IL33: variants seen among roughly 807,000 people sequenced by gnomAD.
IL33 encodes the protein interleukin-33.
IL33 carries 37 observed loss-of-function variants against 27.3 expected under a neutral mutation model. The observed-to-expected ratio is 1.36, with a 90% CI of 1.04 to 1.78. The LOEUF is 1.78. Among genes scored for constraint, IL33 ranks in the 40% most tolerant of loss-of-function variants. The pLI is 0.00. For missense variants in IL33, 406 were observed against 311.4 expected, an observed-to-expected ratio of 1.30 and a Z score of -2.29; for synonymous variants, 132 against 102.9, an observed-to-expected ratio of 1.28 and a Z score of -1.71.
At chr9:6,252,060 A>AAAC (rs1436752333) in intron 4 of IL33, among the ~76,000 whole-genome samples, 4 of 121,884 alleles carry the variant, frequency 3.3e-5, no homozygotes, top group African/African-American at 1.4e-4. Flanking sequence ...AACAAACAAA[A>AAAC]AAAAACCCAA....
chr9:6,248,135 T>C (rs1331358097), intron 2 of IL33, among the ~76,000 whole-genome samples: 1 of 152,128 alleles, frequency 6.6e-6, no homozygotes, highest in African/African-American at 2.4e-5. Context: ...GAAAAGACAA[T>C]GTGATATAGT....
At chr9:6,220,891 C>T (rs978090577) in intron 1 of IL33, among the ~76,000 whole-genome samples, 1 of 152,048 alleles carries the variant, frequency 6.6e-6, no homozygotes, top group Non-Finnish European at 1.5e-5. Context: ...GTAGCTGAGA[C>T]CACAGCCATG....
chr9:6,238,172 C>G (rs997108359), intron 1 of IL33, among the ~76,000 whole-genome samples: 2 of 152,094 alleles, frequency 1.3e-5, no homozygotes, highest in African/African-American at 4.8e-5. Flanking sequence ...AGATGGAAGT[C>G]AGGAGGCTAG....
In IL33 at chr9:6,256,345, A is replaced by G. The variant is rs1271304212; in HGVS notation, c.*177A>G. On this transcript the variant is annotated 3_prime_UTR_variant, in exon 8 of 8. Transcript: ENST00000682010. ...TTTCTAATCCTCCAGTTATTCTTTTATTTCCCTCTGTATAACTGCATCTTC... is the reference window on the plus strand; with the variant it reads ...TTTCTAATCCTCCAGTTATTCTTTTGTTTCCCTCTGTATAACTGCATCTTC... The G allele has an allele frequency of 3.1e-5, 18 of 588,038 alleles. No individual in the cohort carries two copies. The highest frequency in any genetic ancestry group is 4.2e-5 in the Non-Finnish European group (14 of 334,860). 36.4% of individuals were successfully genotyped at this position (588,038 alleles called of 1,614,324 possible). A position where few individuals can be genotyped will look rare whatever the true frequency, so the allele number is the denominator to read the frequency against.
chr9:6,250,511 C>G lies in IL33; in HGVS notation c.129C>G (p.Tyr43Ter). The change falls in exon 3 of 8, where the codon TAC (tyrosine) becomes TAG (stop). Residue 43 changes from tyrosine to a stop codon, truncating the protein, a stop_gained. Transcript: ENST00000682010. LOFTEE classifies it high-confidence loss of function. ...QQKAKEVCPM[Y>*]FMKLRSGLMI... is the part of the protein sequence containing the mutation. ...AGGCCAAAGAAGTTTGCCCCATGTA[C>G]TTTATGAAGCTCCGCTCTGGCCTTA... 1 of 1,613,946 alleles carries G rather than the reference C, an allele frequency of 6.2e-7. No homozygotes were observed. Among genetic ancestry groups the G allele is most frequent in the East Asian group, 2.2e-5 (1 of 44,870 alleles).
chr9:6,217,144 G>A (rs1265258208), intron 1 of IL33, among the ~76,000 whole-genome samples: 2 of 152,082 alleles, frequency 1.3e-5, no homozygotes, highest in African/African-American at 4.8e-5. Context: ...CTGGGTGGGA[G>A]CCACAGAGTA....
chr9:6,255,920 C>T, intron 7 of IL33, 48 bp from the exon 8 acceptor site: 1 of 1,501,348 alleles, frequency 6.7e-7, no homozygotes, highest in Non-Finnish European at 9.3e-7. Flanking sequence ...AAAGTTGACT[C>T]TGAACTTCCC....
chr9:6,243,687 T>C (rs1173887462), intron 2 of IL33, among the ~76,000 whole-genome samples: 1 of 152,156 alleles, frequency 6.6e-6, no homozygotes, highest in African/African-American at 2.4e-5. Flanking sequence ...CTGTTTTTCA[T>C]ATGGGAGTAG....
intron 1 of IL33, among the ~76,000 whole-genome samples, chr9:6,232,504 A>C (rs1282091225): frequency 2.0e-5 from 3 of 152,144 alleles, no homozygotes; most frequent in African/African-American, 4.8e-5. Flanking sequence ...CCCCACCCAC[A>C]CACAAGCATA....
At chr9:6,236,606 G>A (rs937259531) in intron 1 of IL33, among the ~76,000 whole-genome samples, 5 of 152,196 alleles carry the variant, frequency 3.3e-5, no homozygotes, top group Non-Finnish European at 7.3e-5. Flanking sequence ...AGTGGCTCAC[G>A]CCTGTAATCC....
intron 2 of IL33, among the ~76,000 whole-genome samples, chr9:6,246,063 CAAAAAAAAAAAAAAAAAAAAA>C (rs71328183): frequency 2.0e-5 from 1 of 49,562 alleles, no homozygotes; most frequent in Non-Finnish European, 3.3e-5. Context: ...ACTCTGTCTC[CAAAAAAAAAAAAAAAAAAAAA>C]AAAAAAAAAA....
rs764091876 is a variant in IL33, at chr9:6,251,217, T to A, written c.295T>A (p.Ser99Thr). 2 of 1,613,982 alleles carry A rather than the reference T, an allele frequency of 1.2e-6. No homozygotes were observed. Among genetic ancestry groups the A allele is most frequent in the Non-Finnish European group, 1.7e-6 (2 of 1,179,868 alleles). The part of the protein sequence containing the change: ...STVECFAFGI[S>T]GVQKYTRALH... ...TGTGGAGTGCTTTGCCTTTGGTATA[T>A]CAGGGGTCCAGAAATATACTAGAGC... The change falls in exon 4 of 8, where the codon TCA becomes ACA. Residue 99 changes from serine (S) to threonine (T), a missense_variant. Physicochemically the swap from Ser to Thr is moderately conservative, Grantham distance 58. Coordinates refer to ENST00000682010, the MANE Select transcript of IL33 (RefSeq NM_033439.4).
intron 1 of IL33, among the ~76,000 whole-genome samples, chr9:6,234,745 T>C (rs1819097375): frequency 9.6e-6 from 1 of 104,232 alleles, no homozygotes; most frequent in South Asian, 3.8e-4. Flanking sequence ...AACTATTCAT[T>C]CTTTTTGCCT....
chr9:6,219,334 T>C (rs773937891), intron 1 of IL33, among the ~76,000 whole-genome samples: 3 of 151,850 alleles, frequency 2.0e-5, no homozygotes, highest in Non-Finnish European at 2.9e-5. Context: ...TTAGTGGGCC[T>C]CAAAAAGTTC....
intron 1 of IL33, among the ~76,000 whole-genome samples, chr9:6,237,543 G>C (rs989712248): frequency 6.6e-6 from 1 of 152,114 alleles, no homozygotes; most frequent in Non-Finnish European, 1.5e-5. Flanking sequence ...TCTCAAACTA[G>C]TCCATGAGGG....
At chr9:6,247,102 CATCAGCCTCTAAAAAGGTG>C (rs1371149927) in intron 2 of IL33, among the ~76,000 whole-genome samples, 3 of 152,092 alleles carry the variant, frequency 2.0e-5, no homozygotes, top group Non-Finnish European at 1.5e-5. Context: ...TTTGGGGAGT[CATCAGCCTCTAAAAAGGTG>C]ATTGAAGTCA....
At chr9:6,245,564 A>C (rs575361980) in intron 2 of IL33, among the ~76,000 whole-genome samples, 1 of 152,356 alleles carries the variant, frequency 6.6e-6, no homozygotes, top group East Asian at 1.9e-4. Context: ...AGGAGGCAAG[A>C]GTAGAAACAG....
intron 1 of IL33, among the ~76,000 whole-genome samples, chr9:6,221,350 T>C (rs1285260330): frequency 6.6e-6 from 1 of 152,172 alleles, no homozygotes; most frequent in African/African-American, 2.4e-5. Context: ...GTATAAGCTG[T>C]TTTACAAAAA....
chr9:6,215,870 G>A lies in IL33; in HGVS notation c.-12+18G>A, dbSNP rs1051138475. On this transcript the variant is annotated intron_variant, in intron 1 of 7. Transcript: ENST00000682010. ...ATCACAAGGTAAGACTGAATATTCT[G>A]GGAGATTTTTAGTCAGATTTTGCAA... 5 of 151,508 alleles carry A rather than the reference G, an allele frequency of 3.3e-5. No homozygotes were observed. The highest frequency in any genetic ancestry group is 1.2e-4 in the African/African-American group (5 of 41,254). 9.4% of individuals were successfully genotyped at this position (151,508 alleles called of 1,614,324 possible).
Sources: gnomAD v4.1 joint callset for allele counts (sites outside exome capture counted in the v4.1 genomes callset) on GRCh38, gnomAD v4.1.1 for gene constraint, MANE v1.5 for transcripts, NCBI Gene and HGNC (gene_info 2026-07-23, HGNC 2026-07-21) for gene names.